CEP295: variants seen among roughly 807,000 people sequenced by gnomAD.
CEP295 encodes the protein centrosomal protein 295.
CEP295 carries 190 observed loss-of-function variants against 291.6 expected under a neutral mutation model. That is an observed-to-expected ratio of 0.65 (90% CI 0.58 to 0.73). CEP295 has a LOEUF of 0.73. CEP295 is among the 30% of genes least tolerant of loss of function. The pLI, the probability that CEP295 is intolerant of heterozygous loss-of-function variation, is 0.00. For synonymous variants in CEP295, 993 were observed against 1,038.8 expected, an observed-to-expected ratio of 0.96 and a Z score of 0.85; for missense variants, 2,863 against 2,949.4, an observed-to-expected ratio of 0.97 and a Z score of 0.68.
chr11:93,722,418 C>A (rs147274627), intron 20 of CEP295: 1 of 191,640 alleles, frequency 5.2e-6, no homozygotes, highest in Non-Finnish European at 1.1e-5. Flanking sequence ...GCCACAATCA[C>A]GCCACTGCAC....
rs59894789 is a variant in CEP295 at position 93,721,665 on chromosome 11, G to GGTGTGTGT, written c.5851-260_5851-253dup. 7.2e-4 allele frequency: 440 copies of GGTGTGTGT among 607,042 alleles called. 2 individuals are homozygous for GGTGTGTGT. In the East Asian group the frequency reaches 9.8e-3, roughly 14 times the overall value. The allele number at this position is 607,042 out of a possible 1,614,324, so 37.6% of individuals were successfully genotyped here. A position where few individuals can be genotyped will look rare whatever the true frequency, so the allele number is the denominator to read the frequency against. ...TGTAAAACAATAAGGGCATATGTCT[G>GGTGTGTGT]GTGTGTGTGTGTGTGTGTGTGTGTG... On this transcript the variant is annotated intron_variant, in intron 19 of 29. Transcript: ENST00000325212.
chr11:93,730,262 C>G lies in CEP295; in HGVS notation c.7799C>G (p.Thr2600Arg). The G allele has an allele frequency of 6.5e-7, 1 of 1,547,890 alleles. No individual in the cohort carries two copies. The highest frequency in any genetic ancestry group is 8.7e-7 in the Non-Finnish European group (1 of 1,144,160). Residue 2600 changes from threonine (T) to arginine (R), a missense_variant, in exon 30 of 30, where the codon ACA (threonine) becomes AGA (arginine). Around this residue, in one of 3 missense-constraint regions of CEP295, gnomAD observed 2,295 missense variants for 2,335.7 expected, o/e 0.98. Transcript: ENST00000325212. ...KTLEKLRAKNTC is the reference protein window; with the variant it reads ...KTLEKLRAKNRC Reference sequence around the variant, plus strand: ...CTAGAGAAACTTCGAGCCAAAAATACATGCTGACTTTCTAGAAATAGTGTA... The same window carrying G: ...CTAGAGAAACTTCGAGCCAAAAATAGATGCTGACTTTCTAGAAATAGTGTA...
intron 10 of CEP295, 28 bp from the exon 11 acceptor site, chr11:93,691,654 CA>C (rs1951558847): frequency 7.3e-7 from 1 of 1,363,614 alleles, no homozygotes; most frequent in East Asian, 2.5e-5. Context: ...ATTATATATT[CA>C]AAATAACAGT....
chr11:93,680,329 C>G (rs1950901723), intron 7 of CEP295, among the ~76,000 whole-genome samples: 1 of 152,160 alleles, frequency 6.6e-6, no homozygotes, highest in African/African-American at 2.4e-5. Context: ...CGAGGTAGCT[C>G]AGGCCTGTCT....
chr11:93,721,665 GGTGTGTGTGTGT>G (rs59894789), intron 19 of CEP295: 244 of 607,112 alleles, frequency 4.0e-4, no homozygotes, highest in Non-Finnish European at 5.8e-4. Flanking sequence ...GCATATGTCT[GGTGTGTGTGTGT>G]GTGTGTGTGT....
intron 9 of CEP295, 53 bp downstream of exon 9, chr11:93,684,181 C>A: frequency 2.0e-6 from 3 of 1,472,484 alleles, no homozygotes; most frequent in Admixed American, 2.2e-5. Flanking sequence ...AAAAAAAATG[C>A]TAACCATTAG....
In CEP295 at chr11:93,730,353, G is replaced by A. The variant is rs555704606; in HGVS notation, c.*84G>A. On this transcript the variant is annotated 3_prime_UTR_variant, in exon 30 of 30. Transcript: ENST00000325212. ...ATTTAAAGTCAATAAATTGTTATTC[G>A]AGGAATTCCATGTTGTGATTTCTTC... The A allele has an allele frequency of 1.8e-5, 19 of 1,051,634 alleles. No individual in the cohort carries two copies. Among genetic ancestry groups the A allele is most frequent in the South Asian group, 1.7e-4 (13 of 76,566 alleles). 65.1% of individuals were successfully genotyped at this position (1,051,634 alleles called of 1,614,324 possible). A position where few individuals can be genotyped will look rare whatever the true frequency, so the allele number is the denominator to read the frequency against.
intron 25 of CEP295, chr11:93,729,075 G>C (rs1937906920): frequency 2.0e-6 from 1 of 502,056 alleles, no homozygotes; most frequent in Non-Finnish European, 3.5e-6. Context: ...TAGTGTTATA[G>C]TGCCAAGTTG....
chr11:93,662,591 A>G lies in CEP295; in HGVS notation c.-27+817A>G, dbSNP rs1312365821. 2.6e-5 allele frequency among the ~76,000 whole-genome samples: 4 copies of G among 152,268 alleles called. No homozygotes were observed. The South Asian group carries it at 6.2e-4, about 24-fold the overall frequency. ...TAAAAATCCATATTACTAAGAATAAATAATTAATAAACAAGTAAATGGGGC... is the reference window on the plus strand; with the variant it reads ...TAAAAATCCATATTACTAAGAATAAGTAATTAATAAACAAGTAAATGGGGC... On this transcript the variant is annotated intron_variant, in intron 1 of 29. Transcript: ENST00000325212.
chr11:93,702,564 T>C lies in CEP295; in HGVS notation c.5379T>C (p.Asn1793=). 1 of 1,551,268 alleles carries C rather than the reference T, an allele frequency of 6.4e-7. No individual in the cohort carries two copies. The highest frequency in any genetic ancestry group is 8.7e-7 in the Non-Finnish European group (1 of 1,146,854). Residue 1793 remains asparagine, a synonymous_variant, in exon 16 of 30, where the codon AAT becomes AAC. Transcript: ENST00000325212. ...ACCTAGCAGGAAATGATCAAGAAAA[T>C]ATTAGGCATGCAGATAGGAACAACT... The part of the protein sequence containing the change: ...TQDLAGNDQE[N]IRHADRNNSD...
At chr11:93,677,726 G>A (rs1300783984) in intron 6 of CEP295, among the ~76,000 whole-genome samples, 1 of 152,106 alleles carries the variant, frequency 6.6e-6, no homozygotes, top group East Asian at 1.9e-4. Context: ...GAAAAGTGAA[G>A]CTGAATCAGT....
chr11:93,709,302 C>T (rs1026449459), intron 18 of CEP295, among the ~76,000 whole-genome samples: 2 of 152,084 alleles, frequency 1.3e-5, no homozygotes, highest in Admixed American at 1.3e-4. Flanking sequence ...ATCTTTAATC[C>T]ATTTTGGTTT....
chr11:93,698,066 C>T lies in CEP295; in HGVS notation c.3154C>T (p.Pro1052Ser), dbSNP rs748238870. ...GSLSFLQQFL[P>S]LHDSLKLLQE... ...TTTGAGTTTCCTACAGCAGTTCCTA[C>T]CTCTACATGATAGTTTGAAGTTGCT... Residue 1052 changes from proline to serine, a missense_variant, in exon 15 of 30, where the codon CCT becomes TCT. Physicochemically the swap from Pro to Ser is moderately conservative, Grantham distance 74. Transcript: ENST00000325212. 3.2e-5 allele frequency: 49 copies of T among 1,551,740 alleles called. No homozygotes were observed. The highest frequency in any genetic ancestry group is 4.1e-5 in the Non-Finnish European group (47 of 1,147,020).
chr11:93,697,452 T>C lies in CEP295; in HGVS notation c.2540T>C (p.Met847Thr), dbSNP rs2135103797. 1.9e-6 allele frequency: 3 copies of C among 1,552,182 alleles called. No homozygotes were observed. Among genetic ancestry groups the C allele is most frequent in the East Asian group, 2.4e-5 (1 of 40,918 alleles). Residue 847 changes from methionine to threonine, a missense_variant, in exon 15 of 30, where the codon ATG becomes ACG. Around this residue, in one of 3 missense-constraint regions of CEP295, gnomAD observed 2,295 missense variants for 2,335.7 expected, o/e 0.98. Transcript: ENST00000325212. ...AATATCACAGCCCAGCAAGGTAATA[T>C]GAAGGCCCTCCAAGAACAGTTAGAC... ...SENITAQQGNMKALQEQLDLQ... is the reference protein window; with the variant it reads ...SENITAQQGNTKALQEQLDLQ...
chr11:93,727,747 C>A, intron 24 of CEP295, 110 bp downstream of exon 24: 1 of 863,538 alleles, frequency 1.2e-6, no homozygotes, highest in Non-Finnish European at 1.7e-6. Context: ...AGGCTGAACT[C>A]AAACTCCTAG....
chr11:93,662,186 GTC>G (rs1950023378), intron 1 of CEP295, among the ~76,000 whole-genome samples: 1 of 152,220 alleles, frequency 6.6e-6, no homozygotes, highest in African/African-American at 2.4e-5. Context: ...CTCTTTTGGT[GTC>G]TGCCACCTTA....
At position 93,666,691 on chromosome 11, in the gene CEP295, A is replaced by T. The variant is rs758362236; in HGVS notation, c.-17A>T. ...TCCTTTTTGAATTCAGAACTGTCAT[A>T]CATAAAGTACACAGAAATGAAGAGA... On this transcript the variant is annotated 5_prime_UTR_variant, in exon 2 of 30. Coordinates refer to ENST00000325212, the MANE Select transcript of CEP295 (RefSeq NM_033395.2). The T allele has an allele frequency of 7.6e-7, 1 of 1,316,054 alleles. No homozygotes were observed. The highest frequency in any genetic ancestry group is 1.3e-5 in the South Asian group (1 of 76,542). 81.5% of individuals were successfully genotyped at this position (1,316,054 alleles called of 1,614,324 possible).
At position 93,697,713 on chromosome 11, in the gene CEP295, A is replaced by G. The variant is rs1951920232; in HGVS notation, c.2801A>G (p.Asp934Gly). The G allele has an allele frequency of 6.4e-7, 1 of 1,551,728 alleles. No homozygotes were observed. The highest frequency in any genetic ancestry group is 8.7e-7 in the Non-Finnish European group (1 of 1,147,004). ...CATCATGTGATCTCACAACTTCAGG[A>G]TAAGCGTTTGAGTCTTTCACAGCCT... ...SDHHVISQLQDKRLSLSQPIL... is the reference protein window; with the variant it reads ...SDHHVISQLQGKRLSLSQPIL... The change falls in exon 15 of 30, where the codon GAT becomes GGT. Residue 934 changes from aspartate to glycine, a missense_variant. Transcript: ENST00000325212.
At chr11:93,728,468 C>G in intron 24 of CEP295, 1 of 441,554 alleles carries the variant, frequency 2.3e-6, no homozygotes, top group Non-Finnish European at 4.0e-6. Context: ...TTCATCCCCT[C>G]CCCAAAGTAG....
Sources: gnomAD v4.1 joint callset for allele counts (sites outside exome capture counted in the v4.1 genomes callset) on GRCh38, gnomAD v4.1.1 for gene constraint, gnomAD v4.1.1 regional missense constraint, MANE v1.5 for transcripts, NCBI Gene and HGNC (gene_info 2026-07-23, HGNC 2026-07-21) for gene names.